The following DPP10 variants were observed in gnomAD, a reference collection of about 807,000 sequenced individuals.
DPP10 encodes inactive dipeptidyl peptidase 10.
A neutral mutation model predicts 120.9 loss-of-function variants in DPP10; 33 were observed. The ratio of observed to expected loss-of-function variants is 0.27; its 90% confidence interval spans 0.21 to 0.37. The LOEUF is 0.37. Among genes scored for constraint, DPP10 ranks in the 10% least tolerant of loss-of-function variants. The pLI, the probability that DPP10 is intolerant of heterozygous loss-of-function variation, is 1.00. For missense variants in DPP10, 816 were observed against 942.8 expected, an observed-to-expected ratio of 0.87 and a Z score of 1.76; for synonymous variants, 337 against 326.1, an observed-to-expected ratio of 1.03 and a Z score of -0.36.
chr2:114,987,807 T>TTTTTTTTTTTTTTTA lies in DPP10; in HGVS notation c.61-321423_61-321422insTTTTTATTTTTTTTT, dbSNP rs1344515092. On this transcript the variant is annotated intron_variant, in intron 1 of 25. Coordinates refer to ENST00000410059, the MANE Select transcript of DPP10 (RefSeq NM_020868.6). Reference sequence around the variant, plus strand: ...ACTCCTTGAGTGTGGAGACTGTCTTTTTTTTTTTTATTTTGAGATGGAGTC... The same window carrying TTTTTTTTTTTTTTTA: ...ACTCCTTGAGTGTGGAGACTGTCTTTTTTTTTTTTTTTTTATTTTTTTTTATTTTGAGATGGAGTC... Among the ~76,000 whole-genome samples, 5 of 128,034 alleles carry TTTTTTTTTTTTTTTA rather than the reference T, an allele frequency of 3.9e-5. No individual in the cohort carries two copies. The East Asian group carries it at 9.2e-4, about 23-fold the overall frequency. The allele number at this position is 128,034 out of a possible 152,430, so 84.0% of individuals were successfully genotyped here.
intron 5 of DPP10, among the ~76,000 whole-genome samples, chr2:115,661,983 A>T (rs2089018500): frequency 6.6e-6 from 1 of 152,140 alleles, no homozygotes; most frequent in African/African-American, 2.4e-5. Context: ...ATCTCACAGA[A>T]TTAAAATTTT....
At position 115,047,087 on chromosome 2, in the gene DPP10, G is replaced by T. The variant is rs184110040; in HGVS notation, c.61-262152G>T. On this transcript the variant is annotated intron_variant, in intron 1 of 25. Transcript: ENST00000410059. ...ACCATTTATTATTGAAAGCAGTTGA[G>T]AATTAATGATTTTAACAGAAGTGAC... Among the ~76,000 whole-genome samples, 7 of 141,948 alleles carry T rather than the reference G, an allele frequency of 4.9e-5. No individual in the cohort carries two copies. In the East Asian group the frequency reaches 1.6e-3, roughly 32 times the overall value. 93.1% of individuals were successfully genotyped at this position (141,948 alleles called of 152,430 possible). A position where few individuals can be genotyped will look rare whatever the true frequency, so the allele number is the denominator to read the frequency against.
chr2:115,464,740 T>A (rs1558700944), intron 3 of DPP10, among the ~76,000 whole-genome samples: 1 of 152,060 alleles, frequency 6.6e-6, no homozygotes, highest in Admixed American at 6.6e-5. Context: ...CAGACAGGTA[T>A]AATATCAATA....
intron 3 of DPP10, among the ~76,000 whole-genome samples, chr2:115,428,315 C>T (rs984145703): frequency 1.3e-5 from 2 of 152,190 alleles, no homozygotes; most frequent in Non-Finnish European, 2.9e-5. Context: ...TAACAATGCC[C>T]TATGCCTTGG....
intron 1 of DPP10, among the ~76,000 whole-genome samples, chr2:115,249,968 A>G (rs561700360): frequency 5.3e-5 from 8 of 152,324 alleles, no homozygotes; most frequent in Admixed American, 1.3e-4. Context: ...AAAGAAATCT[A>G]TGCAGTACGC....
At chr2:115,179,147 A>G (rs1278288521) in intron 1 of DPP10, among the ~76,000 whole-genome samples, 2 of 152,168 alleles carry the variant, frequency 1.3e-5, no homozygotes, top group East Asian at 1.9e-4. Flanking sequence ...GTAAAAGAAA[A>G]GGGCTATTAT....
intron 1 of DPP10, among the ~76,000 whole-genome samples, chr2:114,652,903 C>T (rs892193741): frequency 2.0e-5 from 3 of 151,442 alleles, no homozygotes; most frequent in Non-Finnish European, 4.4e-5. Context: ...CAGGAAAGTG[C>T]AGTTAGAGAG....
intron 1 of DPP10, among the ~76,000 whole-genome samples, chr2:114,836,284 C>T (rs749155916): frequency 5.9e-5 from 9 of 152,106 alleles, no homozygotes; most frequent in South Asian, 2.1e-4. Context: ...AGCCAGATAT[C>T]GGGCAAAATT....
intron 1 of DPP10, among the ~76,000 whole-genome samples, chr2:114,772,452 C>A (rs759537267): frequency 1.3e-5 from 2 of 148,670 alleles, no homozygotes; most frequent in Middle Eastern, 3.4e-3. Flanking sequence ...AGCCACCGCA[C>A]CCAGCCACCT....
At chr2:115,433,494 C>T (rs1006571440) in intron 3 of DPP10, among the ~76,000 whole-genome samples, 4 of 151,840 alleles carry the variant, frequency 2.6e-5, no homozygotes, top group African/African-American at 9.7e-5. Context: ...CAAAGGCATA[C>T]CTAGACCTAA....
At chr2:115,526,339 C>T (rs1228499334) in intron 5 of DPP10, 2 of 161,022 alleles carry the variant, frequency 1.2e-5, no homozygotes, top group Non-Finnish European at 2.7e-5. Flanking sequence ...TTCCTAGTGG[C>T]TGTGCCTAGA....
intron 1 of DPP10, among the ~76,000 whole-genome samples, chr2:115,147,727 A>T (rs2051309734): frequency 6.6e-6 from 1 of 152,114 alleles, no homozygotes; most frequent in Non-Finnish European, 1.5e-5. Context: ...GAAATTGAAT[A>T]CTCTGAGAAT....
At chr2:115,541,806 T>C (rs1454331172) in intron 5 of DPP10, among the ~76,000 whole-genome samples, 1 of 151,858 alleles carries the variant, frequency 6.6e-6, no homozygotes, top group Non-Finnish European at 1.5e-5. Context: ...CCTTGCATAA[T>C]AGTGGGGAGA....
intron 1 of DPP10, among the ~76,000 whole-genome samples, chr2:115,044,236 G>T (rs1573412412): frequency 3.9e-5 from 6 of 152,104 alleles, no homozygotes; most frequent in Admixed American, 3.9e-4. Context: ...TTCTGGGGAG[G>T]TCTCAGGAAA....
chr2:115,244,151 A>G (rs1000503618), intron 1 of DPP10, among the ~76,000 whole-genome samples: 3 of 149,910 alleles, frequency 2.0e-5, no homozygotes, highest in Non-Finnish European at 3.0e-5. Flanking sequence ...ATTTTTGTGC[A>G]TATTAGTTCC....
rs1342125338 is a variant in DPP10, at chr2:114,532,296, T to TATATATAC, written c.60+89459_60+89460insTATATACA. ...ATATATATATATATATATATATATA[T>TATATATAC]ACACACACACACACACACACAGATA... is the stretch of plus-strand genomic sequence containing the variant. On this transcript the variant is annotated intron_variant, in intron 1 of 25. Transcript: ENST00000410059. Among the ~76,000 whole-genome samples the TATATATAC allele has an allele frequency of 3.5e-3, 261 of 74,452 alleles. 2 individuals are homozygous for TATATATAC. Among genetic ancestry groups the TATATATAC allele is most frequent in the African/African-American group, 9.0e-3 (135 of 15,068 alleles). The allele number at this position is 74,452 out of a possible 152,430, so 48.8% of individuals were successfully genotyped here.
At chr2:115,416,670 TAAAC>T (rs2069462154) in intron 3 of DPP10, among the ~76,000 whole-genome samples, 2 of 152,172 alleles carry the variant, frequency 1.3e-5, no homozygotes, top group Admixed American at 1.3e-4. Context: ...ATCGATTAAT[TAAAC>T]AAGAAATCAA....
chr2:115,373,645 A>G (rs1417814681), intron 3 of DPP10, among the ~76,000 whole-genome samples: 3 of 152,080 alleles, frequency 2.0e-5, no homozygotes, highest in African/African-American at 7.2e-5. Flanking sequence ...GATAGTCCAT[A>G]AGTTAAAATG....
At chr2:115,118,857 C>T (rs189585551) in intron 1 of DPP10, among the ~76,000 whole-genome samples, 2 of 152,062 alleles carry the variant, frequency 1.3e-5, no homozygotes, top group East Asian at 3.9e-4. Context: ...TTAAGTGATC[C>T]ACCCACCTCG....
Sources: allele counts gnomAD v4.1 joint callset (sites outside exome capture counted in the v4.1 genomes callset), GRCh38; gene constraint gnomAD v4.1.1; transcripts MANE v1.5; gene names NCBI Gene and HGNC (gene_info 2026-07-23, HGNC 2026-07-21).